VPS13B: variants seen among roughly 807,000 people sequenced by gnomAD.
VPS13B encodes vacuolar protein sorting 13 homolog B.
VPS13B carries 285 observed loss-of-function variants against 426.4 expected under a neutral mutation model. That is an observed-to-expected ratio of 0.67 (90% CI 0.61 to 0.74). The LOEUF (loss-of-function observed/expected upper bound fraction) is 0.74, where lower values mean the gene tolerates loss of function less well. Among genes scored for constraint, VPS13B ranks in the 30% least tolerant of loss-of-function variants. The pLI, the probability that VPS13B is intolerant of heterozygous loss-of-function variation, is 0.00. For synonymous variants in VPS13B, 1,676 were observed against 1,676.4 expected, an observed-to-expected ratio of 1.00 and a Z score of 0.01; for missense variants, 4,537 against 4,782.6, an observed-to-expected ratio of 0.95 and a Z score of 1.51.
intron 3 of VPS13B, among the ~76,000 whole-genome samples, chr8:99,072,329 A>G (rs1274243402): frequency 6.6e-6 from 1 of 151,678 alleles, no homozygotes; most frequent in African/African-American, 2.4e-5. Context: ...CTTCCCTTAA[A>G]GGTAGTGGGT....
In VPS13B at chr8:99,134,718, T is replaced by C. The variant is rs77759532; in HGVS notation, c.1293T>C (p.Thr431=). 5 of 1,606,448 alleles carry C rather than the reference T, an allele frequency of 3.1e-6. No homozygotes were observed. The East Asian group carries it at 1.1e-4, about 36-fold the overall frequency. The change falls in exon 9 of 62, where the codon ACT becomes ACC. Residue 431 remains threonine (T), a synonymous_variant. Coordinates refer to ENST00000357162, the MANE Select transcript of VPS13B (RefSeq NM_152564.5). ...TATTGTGTTGGGAACAAGAAGGAAC[T>C]ACAGTTGAGGTAATCTTTCAATATT... The part of the protein sequence containing the change: ...KEVLCWEQEG[T]TVEALMMGEP...
rs140736808 is a variant in VPS13B at position 99,437,353 on chromosome 8, A to G, written c.3211-5048A>G. ...GAAGAAGGAGTTTCCATACTTAATT[A>G]TAATGGATTATTTTATAATATTCCA... On this transcript the variant is annotated intron_variant, in intron 22 of 61. Coordinates refer to ENST00000357162, the MANE Select transcript of VPS13B (RefSeq NM_152564.5). Among the ~76,000 whole-genome samples the G allele has an allele frequency of 3.9e-3, 593 of 152,138 alleles. 2 individuals carry two copies. Among genetic ancestry groups the G allele is most frequent in the African/African-American group, 0.014 (567 of 41,540 alleles).
At chr8:99,583,996 A>T (rs1390259344) in intron 33 of VPS13B, among the ~76,000 whole-genome samples, 1 of 152,128 alleles carries the variant, frequency 6.6e-6, no homozygotes, top group African/African-American at 2.4e-5. Context: ...TGGTGTTGCT[A>T]TGCTGAGTAT....
rs187508255 is a variant in VPS13B at position 99,444,227 on chromosome 8, C to T, written c.3445+1592C>T. Among the ~76,000 whole-genome samples, 24 of 151,824 alleles carry T rather than the reference C, an allele frequency of 1.6e-4. No individual in the cohort carries two copies. In the East Asian group the frequency reaches 4.3e-3, roughly 27 times the overall value. ...AATTCTCCTGCCTCAGCCTCCCGAG[C>T]AGCTGGGACTACAGGCACTTGCCAC... On this transcript the variant is annotated intron_variant, in intron 23 of 61. Transcript: ENST00000357162.
chr8:99,118,382 C>T (rs529079508), intron 7 of VPS13B, among the ~76,000 whole-genome samples: 2 of 152,280 alleles, frequency 1.3e-5, no homozygotes, highest in East Asian at 3.8e-4. Context: ...AGAGTTTCTA[C>T]TAAGTGGTGG....
At chr8:99,605,332 G>A (rs1035610553) in intron 33 of VPS13B, among the ~76,000 whole-genome samples, 3 of 152,116 alleles carry the variant, frequency 2.0e-5, no homozygotes, top group Non-Finnish European at 2.9e-5. Flanking sequence ...TCTATGAAAC[G>A]ACTAGAGAAG....
chr8:99,808,286 C>T (rs570190070), intron 43 of VPS13B, among the ~76,000 whole-genome samples: 3 of 152,022 alleles, frequency 2.0e-5, no homozygotes, highest in South Asian at 4.2e-4. Flanking sequence ...TTTGGGAGGC[C>T]GAGGCAAGCG....
chr8:99,871,408 CA>C (rs1230191554), intron 60 of VPS13B, 39 bp from the exon 61 acceptor site: 2 of 1,613,684 alleles, frequency 1.2e-6, no homozygotes, highest in Non-Finnish European at 1.7e-6. Flanking sequence ...ACCATCTTTT[CA>C]CAGCTGGCCC....
At chr8:99,861,321 A>G (rs747488012) in intron 57 of VPS13B, among the ~76,000 whole-genome samples, 2 of 151,994 alleles carry the variant, frequency 1.3e-5, no homozygotes, top group African/African-American at 2.4e-5. Context: ...ATCTTATTTG[A>G]GACAAGGTCT....
At chr8:99,848,955 C>T in intron 55 of VPS13B, 61 bp downstream of exon 55, 2 of 1,463,094 alleles carry the variant, frequency 1.4e-6, no homozygotes, top group Non-Finnish European at 9.6e-7. Flanking sequence ...AAGTTGTAAA[C>T]TTAGTATTTA....
intron 23 of VPS13B, among the ~76,000 whole-genome samples, chr8:99,465,700 A>G (rs1819078789): frequency 6.6e-6 from 1 of 152,120 alleles, no homozygotes; most frequent in Non-Finnish European, 1.5e-5. Context: ...TTATTTTTTA[A>G]ATAGCATGGA....
intron 2 of VPS13B, among the ~76,000 whole-genome samples, chr8:99,017,359 C>A (rs1413650444): frequency 6.6e-6 from 1 of 152,152 alleles, no homozygotes; most frequent in African/African-American, 2.4e-5. Context: ...ATTCTTGTGT[C>A]ACTCCATATG....
At chr8:99,641,180 A>G (rs541162220) in intron 33 of VPS13B, among the ~76,000 whole-genome samples, 1 of 152,292 alleles carries the variant, frequency 6.6e-6, no homozygotes, top group South Asian at 2.1e-4. Context: ...ATTACTTAAT[A>G]ACTGACTTGA....
At chr8:99,499,850 G>A (rs1250175328) in intron 25 of VPS13B, among the ~76,000 whole-genome samples, 1 of 152,060 alleles carries the variant, frequency 6.6e-6, no homozygotes, top group African/African-American at 2.4e-5. Flanking sequence ...GCTATGCTTG[G>A]TGCCTAAGTG....
rs546544635 is a variant in VPS13B at position 99,493,796 on chromosome 8, A to G, written c.3871-7891A>G. On this transcript the variant is annotated intron_variant, in intron 25 of 61. Coordinates refer to ENST00000357162, the MANE Select transcript of VPS13B (RefSeq NM_152564.5). ...GACTCTATCTAAAAAAAAAAAAAAA[A>G]AAAAAGAAAAGAAAAAGAAAAAGAA... Among the ~76,000 whole-genome samples, 478 of 149,954 alleles carry G rather than the reference A, an allele frequency of 3.2e-3. 3 individuals carry two copies. Among genetic ancestry groups the G allele is most frequent in the African/African-American group, 9.8e-3 (402 of 40,920 alleles).
At chr8:99,376,875 A>C (rs936722226) in intron 19 of VPS13B, among the ~76,000 whole-genome samples, 1 of 152,088 alleles carries the variant, frequency 6.6e-6, no homozygotes, top group African/African-American at 2.4e-5. Flanking sequence ...GCATAATCTA[A>C]AAGAACATAA....
chr8:99,132,767 G>A (rs557259953), intron 8 of VPS13B, among the ~76,000 whole-genome samples: 29 of 152,328 alleles, frequency 1.9e-4, no homozygotes, highest in Admixed American at 1.8e-3. Flanking sequence ...CAGAGGTGTA[G>A]GGTGACCAGA....
intron 13 of VPS13B, among the ~76,000 whole-genome samples, chr8:99,144,696 C>G (rs1192730777): frequency 7.2e-5 from 11 of 152,082 alleles, no homozygotes; most frequent in Non-Finnish European, 1.5e-5. Context: ...TTTATTATAC[C>G]TTACTTGAAT....
chr8:99,497,522 G>A (rs547612676), intron 25 of VPS13B, among the ~76,000 whole-genome samples: 2 of 151,628 alleles, frequency 1.3e-5, no homozygotes, highest in Non-Finnish European at 2.9e-5. Context: ...ATTGATTCAA[G>A]AATTAAAATT....
Sources: allele counts gnomAD v4.1 joint callset (sites outside exome capture counted in the v4.1 genomes callset), GRCh38; gene constraint gnomAD v4.1.1; transcripts MANE v1.5; gene names NCBI Gene and HGNC (gene_info 2026-07-23, HGNC 2026-07-21).